XPR1: variants seen among roughly 807,000 people sequenced by gnomAD.
The protein encoded by XPR1 is solute carrier family 53 member 1.
In XPR1, 28 loss-of-function variants were observed where a neutral mutation model predicts 87.5. The ratio of observed to expected loss-of-function variants is 0.32; its 90% CI spans 0.24 to 0.44. XPR1 has a LOEUF of 0.44. XPR1 is among the 20% of genes least tolerant of loss of function. The probability of loss-of-function intolerance (pLI) is 1.00; values close to 1 mark genes in which losing one functional copy is unlikely to be tolerated. For synonymous variants in XPR1, 300 were observed against 306.1 expected (o/e 0.98, Z 0.21); for missense variants, 559 against 862.3 (o/e 0.65, Z 4.41).
chr1:180,800,153 T>C (rs1649728547), intron 3 of XPR1, among the ~76,000 whole-genome samples: 1 of 152,198 alleles, frequency 6.6e-6, no homozygotes. Flanking sequence ...ATTATACATC[T>C]TGGAACTGAA....
At chr1:180,820,652 A>T (rs1650594030) in intron 7 of XPR1, among the ~76,000 whole-genome samples, 1 of 152,192 alleles carries the variant, frequency 6.6e-6, no homozygotes. Flanking sequence ...TTTTTCACAG[A>T]GGCTTTACCA....
intron 1 of XPR1, among the ~76,000 whole-genome samples, chr1:180,633,564 A>C (rs1654664791): frequency 6.6e-6 from 1 of 152,232 alleles, no homozygotes; most frequent in Non-Finnish European, 1.5e-5. Context: ...GGAATCTTGA[A>C]TATTGTGAAA....
intron 6 of XPR1, among the ~76,000 whole-genome samples, chr1:180,807,529 A>C (rs185182580): frequency 6.6e-6 from 1 of 152,232 alleles, no homozygotes; most frequent in Non-Finnish European, 1.5e-5. Flanking sequence ...ATTGAAAACT[A>C]CAAAACACTG....
intron 1 of XPR1, among the ~76,000 whole-genome samples, chr1:180,666,080 A>T (rs187523342): frequency 1.3e-3 from 196 of 152,212 alleles, no homozygotes; most frequent in Non-Finnish European, 2.3e-3. Flanking sequence ...CCATTGGGTG[A>T]TCTTGGCACC....
At chr1:180,679,418 A>G (rs562245665) in intron 1 of XPR1, among the ~76,000 whole-genome samples, 2 of 152,302 alleles carry the variant, frequency 1.3e-5, no homozygotes, top group South Asian at 2.1e-4. Flanking sequence ...TAAAAATTCT[A>G]TAATGCGCAG....
At chr1:180,726,672 A>G (rs866988494) in intron 2 of XPR1, among the ~76,000 whole-genome samples, 12 of 147,074 alleles carry the variant, frequency 8.2e-5, no homozygotes, top group African/African-American at 2.5e-4. Context: ...AGAGGCTAGC[A>G]GAAGCAGATG....
intron 11 of XPR1, among the ~76,000 whole-genome samples, chr1:180,845,504 A>G (rs892946341): frequency 1.3e-5 from 2 of 152,298 alleles, no homozygotes; most frequent in African/African-American, 4.8e-5. Flanking sequence ...GTAGATGAAG[A>G]ATAATGACTG....
At chr1:180,710,635 A>T (rs890892797) in intron 2 of XPR1, among the ~76,000 whole-genome samples, 1 of 152,188 alleles carries the variant, frequency 6.6e-6, no homozygotes, top group Non-Finnish European at 1.5e-5. Context: ...TGATTTCTCT[A>T]TCTTTTCCCC....
chr1:180,647,427 C>A (rs1349358770), intron 1 of XPR1, among the ~76,000 whole-genome samples: 1 of 152,160 alleles, frequency 6.6e-6, no homozygotes, highest in Non-Finnish European at 1.5e-5. Flanking sequence ...TCTTATGAGA[C>A]CACTGTTGTA....
intron 2 of XPR1, among the ~76,000 whole-genome samples, chr1:180,710,475 C>A (rs555214164): frequency 1.6e-4 from 25 of 152,236 alleles, no homozygotes; most frequent in African/African-American, 5.8e-4. Context: ...CCCTTTAACC[C>A]TGAGTGGACA....
rs1241189679 is a variant in XPR1, at chr1:180,696,208, G to GTGTA, written c.121+13798_121+13799insGTAT. On this transcript the variant is annotated intron_variant, in intron 2 of 14. Transcript: ENST00000367590. Reference sequence around the variant, plus strand: ...TGTGTGTGTGTGTGTGTGTGTGTGTGTATATATATATATATATATATATTA... The same window carrying GTGTA: ...TGTGTGTGTGTGTGTGTGTGTGTGTGTGTATATATATATATATATATATATATTA... Among the ~76,000 whole-genome samples, 199 of 88,528 alleles carry GTGTA rather than the reference G, an allele frequency of 2.2e-3. 1 individual carries two copies. The East Asian group carries it at 0.024, about 11-fold the overall frequency. The allele number at this position is 88,528 out of a possible 152,430, so 58.1% of individuals were successfully genotyped here.
At chr1:180,688,489 G>A (rs1433179838) in intron 2 of XPR1, among the ~76,000 whole-genome samples, 1 of 152,074 alleles carries the variant, frequency 6.6e-6, no homozygotes, top group African/African-American at 2.4e-5. Flanking sequence ...TAGATTAGGG[G>A]ATTAAAGTGA....
chr1:180,667,415 ATCATT>A (rs1294908601), intron 1 of XPR1, among the ~76,000 whole-genome samples: 2 of 152,184 alleles, frequency 1.3e-5, no homozygotes, highest in Non-Finnish European at 2.9e-5. Context: ...GTGTTGAACT[ATCATT>A]TCAACACAGG....
intron 2 of XPR1, among the ~76,000 whole-genome samples, chr1:180,695,675 T>A (rs1002255400): frequency 1.3e-5 from 2 of 152,268 alleles, no homozygotes; most frequent in Admixed American, 1.3e-4. Flanking sequence ...CCAGCACCAT[T>A]TTTTGAAGAG....
chr1:180,758,058 A>G (rs1489339255), intron 2 of XPR1, among the ~76,000 whole-genome samples: 1 of 151,582 alleles, frequency 6.6e-6, no homozygotes, highest in Non-Finnish European at 1.5e-5. Context: ...ACCACCATAC[A>G]TGTCCTAAAG....
At chr1:180,723,396 C>CT (rs931621593) in intron 2 of XPR1, among the ~76,000 whole-genome samples, 1 of 152,018 alleles carries the variant, frequency 6.6e-6, no homozygotes, top group African/African-American at 2.4e-5. Flanking sequence ...ATACCAGGGC[C>CT]TTTTTTGCCA....
At chr1:180,644,071 G>T (rs1441460201) in intron 1 of XPR1, among the ~76,000 whole-genome samples, 3 of 152,180 alleles carry the variant, frequency 2.0e-5, no homozygotes, top group South Asian at 2.1e-4. Context: ...TGGGAGTGAT[G>T]TGTAAACATC....
intron 2 of XPR1, among the ~76,000 whole-genome samples, chr1:180,724,679 T>A (rs1658277839): frequency 6.6e-6 from 1 of 152,032 alleles, no homozygotes; most frequent in Non-Finnish European, 1.5e-5. Context: ...TGCCACTCAT[T>A]GAAGCACAAC....
At chr1:180,846,971 A>G (rs1437052218) in intron 11 of XPR1, among the ~76,000 whole-genome samples, 1 of 152,030 alleles carries the variant, frequency 6.6e-6, no homozygotes, top group Non-Finnish European at 1.5e-5. Context: ...TGGGCTCCTC[A>G]GGCCTCTCTC....
Sources: gnomAD v4.1 joint callset for allele counts (sites outside exome capture counted in the v4.1 genomes callset) on GRCh38, gnomAD v4.1.1 for gene constraint, MANE v1.5 for transcripts, NCBI Gene and HGNC (gene_info 2026-07-23, HGNC 2026-07-21) for gene names.